Variants in CACNA1B observed in about 807,000 individuals in gnomAD.
CACNA1B encodes voltage-dependent N-type calcium channel subunit alpha-1B.
CACNA1B carries 70 observed loss-of-function variants against 247.2 expected under a neutral mutation model. The observed-to-expected ratio is 0.28, with a 90% CI of 0.23 to 0.35. The LOEUF is 0.35. Among genes scored for constraint, CACNA1B ranks in the 10% least tolerant of loss-of-function variants. The pLI, the probability that CACNA1B is intolerant of heterozygous loss-of-function variation, is 1.00. For synonymous variants in CACNA1B, 1,231 were observed against 1,294.4 expected, an observed-to-expected ratio of 0.95 and a Z score of 1.05; for missense variants, 2,367 against 3,197.4, an observed-to-expected ratio of 0.74 and a Z score of 6.26.
intron 19 of CACNA1B, 74 bp downstream of exon 19, chr9:138,023,885 GCC>G: frequency 1.3e-6 from 1 of 755,044 alleles, no homozygotes; most frequent in Non-Finnish European, 2.3e-6. Context: ...GGTGGCTGCG[GCC>G]ATGGGGTCCA....
chr9:137,927,245 C>CTTT (rs71387876), intron 6 of CACNA1B, among the ~76,000 whole-genome samples: 1 of 136,446 alleles, frequency 7.3e-6, no homozygotes, highest in Non-Finnish European at 1.6e-5. Context: ...CTTTCTTCTT[C>CTTT]TTTTTTTTTT....
Position 137,891,904 on chromosome 9 carries a change from T to A in CACNA1B, c.530+9021T>A, listed in dbSNP as rs1394477232. 7.9e-6 allele frequency: 3 copies of A among 381,152 alleles called. No individual in the cohort carries two copies. The highest frequency in any genetic ancestry group is 6.3e-5 in the African/African-American group (3 of 47,630). The allele number at this position is 381,152 out of a possible 1,614,324, so 23.6% of individuals were successfully genotyped here. On this transcript the variant is annotated intron_variant, in intron 3 of 46. Transcript: ENST00000371372. The surrounding 1 kb of genome is among the most constrained non-coding windows in gnomAD (Gnocchi z 4.3). ...GTCCCTGCCCTCTTCACGACCCTGC[T>A]GTGAGCTCCTTTCTCCAGGGCTGGG...
At chr9:138,092,829 TGCC>T (rs1169189710) in intron 36 of CACNA1B, among the ~76,000 whole-genome samples, 1 of 152,242 alleles carries the variant, frequency 6.6e-6, no homozygotes, top group Non-Finnish European at 1.5e-5. Flanking sequence ...TATGTTCTTC[TGCC>T]GTGGCTTCAG....
chr9:138,027,051 A>T (rs1439220370), intron 20 of CACNA1B, among the ~76,000 whole-genome samples: 1 of 152,216 alleles, frequency 6.6e-6, no homozygotes, highest in African/African-American at 2.4e-5. Context: ...CTTATTTGCC[A>T]TGTGTATAAT....
intron 20 of CACNA1B, among the ~76,000 whole-genome samples, chr9:138,025,661 G>T (rs1423399843): frequency 2.0e-5 from 3 of 152,162 alleles, no homozygotes; most frequent in Non-Finnish European, 2.9e-5. Flanking sequence ...TGTGCTCCCA[G>T]GCCTTTATTT....
chr9:138,008,190 C>T (rs1958678562), intron 16 of CACNA1B, among the ~76,000 whole-genome samples: 2 of 152,316 alleles, frequency 1.3e-5, no homozygotes, highest in Admixed American at 1.3e-4. Flanking sequence ...AAAGGCAGCC[C>T]CGGTTGTCAG....
intron 3 of CACNA1B, among the ~76,000 whole-genome samples, chr9:137,893,119 T>C (rs906578663): frequency 1.3e-5 from 2 of 151,900 alleles, no homozygotes; most frequent in African/African-American, 2.4e-5. Flanking sequence ...CTTGCCAGGA[T>C]CCACAGCCTG....
At chr9:138,063,097 A>G (rs944424162) in intron 31 of CACNA1B, among the ~76,000 whole-genome samples, 2 of 152,258 alleles carry the variant, frequency 1.3e-5, no homozygotes, top group East Asian at 3.8e-4. Flanking sequence ...TGATCTAAGT[A>G]ACATAACATC....
chr9:137,976,227 G>A (rs1231524411), intron 12 of CACNA1B, among the ~76,000 whole-genome samples: 2 of 152,258 alleles, frequency 1.3e-5, no homozygotes, highest in African/African-American at 2.4e-5. Context: ...AGCCTCAGCA[G>A]CTCTCTGTCG....
chr9:138,000,482 T>C (rs972509797), intron 15 of CACNA1B, among the ~76,000 whole-genome samples: 1 of 152,236 alleles, frequency 6.6e-6, no homozygotes, highest in Non-Finnish European at 1.5e-5. Context: ...TTCATAATTA[T>C]AAAAGAAATT....
At position 137,913,660 on chromosome 9, in the gene CACNA1B, C is replaced by A. The variant is rs1311902724; in HGVS notation, c.622+389C>A. 6.6e-6 allele frequency among the ~76,000 whole-genome samples: 1 copy of A among 152,172 alleles called. No individual in the cohort carries two copies. The highest frequency in any genetic ancestry group is 2.4e-5 in the African/African-American group (1 of 41,448). ...GCAAAGGGCCACTTGTCTCTTGGCTCAGTCTTGTCAGGGCCACTGGGGACT... is the reference window on the plus strand; with the variant it reads ...GCAAAGGGCCACTTGTCTCTTGGCTAAGTCTTGTCAGGGCCACTGGGGACT... On this transcript the variant is annotated intron_variant, in intron 4 of 46. Transcript: ENST00000371372. This position sits in a 1 kb window ranked among gnomAD's most constrained non-coding sequence, Gnocchi z 5.2.
chr9:137,965,168 G>C (rs1958060248), intron 10 of CACNA1B, among the ~76,000 whole-genome samples: 2 of 152,246 alleles, frequency 1.3e-5, no homozygotes, highest in Non-Finnish European at 2.9e-5. Flanking sequence ...CCAGTCAGGA[G>C]GAATGGGATC....
rs367634961 is a variant in CACNA1B at position 138,010,038 on chromosome 9, C to T, written c.2121C>T (p.Ile707=). 26 of 1,613,694 alleles carry T rather than the reference C, an allele frequency of 1.6e-5. No individual in the cohort carries two copies. The highest frequency in any genetic ancestry group is 8.0e-5 in the African/African-American group (6 of 74,916). ...NYTLLNVFLA[I]AVDNLANAQE... ...CTCTGCTGAATGTCTTTCTGGCCAT[C>T]GCTGTGGACAACCTGGCCAACGCCC... Residue 707 remains isoleucine, a synonymous_variant, in exon 17 of 47, where the codon ATC becomes ATT. Coordinates refer to ENST00000371372, the MANE Select transcript of CACNA1B (RefSeq NM_000718.4). This position sits in a 1 kb window ranked among gnomAD's most constrained non-coding sequence, Gnocchi z 5.3.
At chr9:138,047,612 C>G (rs997620461) in intron 23 of CACNA1B, among the ~76,000 whole-genome samples, 154 bp downstream of exon 23, 3 of 152,234 alleles carry the variant, frequency 2.0e-5, no homozygotes, top group African/African-American at 7.2e-5. Flanking sequence ...AGCACATGAA[C>G]ATGTGCACAC....
At position 138,025,132 on chromosome 9, in the gene CACNA1B, G is replaced by A; in HGVS notation, c.3246G>A (p.Val1082=). 1.2e-6 allele frequency: 2 copies of A among 1,613,078 alleles called. No individual in the cohort carries two copies. Among genetic ancestry groups the A allele is most frequent in the Non-Finnish European group, 1.7e-6 (2 of 1,179,496 alleles). The change falls in exon 20 of 47, where the codon GTG becomes GTA. Residue 1082 remains valine, a synonymous_variant. Coordinates refer to ENST00000371372, the MANE Select transcript of CACNA1B (RefSeq NM_000718.4). ...PDPNTIVHIP[V]MLTGPLGEAT... is the part of the protein sequence containing the mutation. ...CGAACACTATTGTACATATCCCAGTGATGCTGACGGGCCCTCTTGGGGAAG... is the reference window on the plus strand; with the variant it reads ...CGAACACTATTGTACATATCCCAGTAATGCTGACGGGCCCTCTTGGGGAAG...
chr9:137,912,954 C>T (rs1332954435), intron 3 of CACNA1B, among the ~76,000 whole-genome samples: 2 of 152,150 alleles, frequency 1.3e-5, no homozygotes, highest in African/African-American at 2.4e-5. Flanking sequence ...GTGAGCGCTT[C>T]TGGATTCAGT....
At chr9:138,094,457 A>AAAAAAAAAAAAAAAAAAAAGAAGAAG (rs752912258) in intron 36 of CACNA1B, among the ~76,000 whole-genome samples, 2 of 134,892 alleles carry the variant, frequency 1.5e-5, no homozygotes, top group African/African-American at 2.7e-5. Flanking sequence ...AAAAAAAAAA[A>AAAAAAAAAAAAAAAAAAAAGAAGAAG]AAGAAGAAGA....
chr9:137,987,801 C>A (rs1371796298), intron 15 of CACNA1B, among the ~76,000 whole-genome samples: 1 of 152,228 alleles, frequency 6.6e-6, no homozygotes, highest in Non-Finnish European at 1.5e-5. Flanking sequence ...TCCTCCATGA[C>A]TGTCCCCTTT....
Position 137,919,646 on chromosome 9 carries a change from C to T in CACNA1B, c.966+2215C>T, listed in dbSNP as rs369858238. On this transcript the variant is annotated intron_variant, in intron 6 of 46. Coordinates refer to ENST00000371372, the MANE Select transcript of CACNA1B (RefSeq NM_000718.4). This position sits in a 1 kb window ranked among gnomAD's most constrained non-coding sequence, Gnocchi z 4.6. ...GGACTTTTGTGGCCCCTCGGATATA[C>T]GCTCCTTCAAGCAATGACATCTGGG... Among the ~76,000 whole-genome samples, 167 of 152,368 alleles carry T rather than the reference C, an allele frequency of 1.1e-3. No individual in the cohort carries two copies. Among genetic ancestry groups the T allele is most frequent in the African/African-American group, 3.7e-3 (155 of 41,594 alleles).
Sources: allele counts gnomAD v4.1 joint callset (sites outside exome capture counted in the v4.1 genomes callset), GRCh38; gene constraint gnomAD v4.1.1; non-coding constraint Gnocchi (gnomAD v3.1); transcripts MANE v1.5; gene names NCBI Gene and HGNC (gene_info 2026-07-23, HGNC 2026-07-21).